AGBL3: variants seen among roughly 807,000 people sequenced by gnomAD.
AGBL3 encodes the protein cytosolic carboxypeptidase 3.
In AGBL3, 68 loss-of-function variants were observed where a neutral mutation model predicts 94.5. The ratio of observed to expected loss-of-function variants is 0.72; its 90% CI spans 0.59 to 0.88. AGBL3 has a LOEUF of 0.88. Ranked by LOEUF, AGBL3 falls within the 40% of genes least tolerant of loss-of-function variation. The probability of loss-of-function intolerance (pLI) is 0.00; values close to 1 mark genes in which losing one functional copy is unlikely to be tolerated. For missense variants in AGBL3, 934 were observed against 1,103.8 expected, an observed-to-expected ratio of 0.85 and a Z score of 2.18; for synonymous variants, 354 against 370.7, an observed-to-expected ratio of 0.95 and a Z score of 0.52.
intron 16 of AGBL3, among the ~76,000 whole-genome samples, chr7:135,121,081 T>C (rs537405952): frequency 1.3e-5 from 2 of 152,298 alleles, no homozygotes; most frequent in South Asian, 2.1e-4. Flanking sequence ...GTCTCATACC[T>C]GTAATCCCAG....
intron 11 of AGBL3, among the ~76,000 whole-genome samples, chr7:135,048,753 G>GTT (rs55948149): frequency 2.8e-5 from 4 of 145,006 alleles, no homozygotes; most frequent in African/African-American, 2.5e-5. Flanking sequence ...TCTCACAGTT[G>GTT]TTTTTTTTTT....
chr7:135,091,932 G>A (rs1198992767), intron 15 of AGBL3, among the ~76,000 whole-genome samples: 2 of 152,162 alleles, frequency 1.3e-5, no homozygotes, highest in Non-Finnish European at 2.9e-5. Context: ...CTCAGAGAAG[G>A]GAATCTAATC....
chr7:135,087,624 T>C (rs187787199), intron 15 of AGBL3, among the ~76,000 whole-genome samples: 81 of 152,160 alleles, frequency 5.3e-4, no homozygotes, highest in African/African-American at 1.9e-3. Context: ...CATGTAACTA[T>C]ACAATTTTGA....
chr7:135,039,353 G>T (rs2116502490), intron 8 of AGBL3, among the ~76,000 whole-genome samples: 1 of 152,146 alleles, frequency 6.6e-6, no homozygotes, highest in East Asian at 1.9e-4. Context: ...TCACCTGAAA[G>T]AAAATGAAAA....
chr7:135,096,414 G>GGGAA (rs1554516463), intron 15 of AGBL3, among the ~76,000 whole-genome samples: 1 of 147,162 alleles, frequency 6.8e-6, no homozygotes, highest in East Asian at 2.0e-4. Flanking sequence ...GAGGAAGGAA[G>GGGAA]GAAAGAAAGA....
At chr7:135,068,131 T>G (rs1192844555) in intron 12 of AGBL3, among the ~76,000 whole-genome samples, 3 of 152,108 alleles carry the variant, frequency 2.0e-5, no homozygotes, top group Non-Finnish European at 2.9e-5. Flanking sequence ...GAAGAAAGGG[T>G]ATCAGTGATG....
intron 13 of AGBL3, among the ~76,000 whole-genome samples, chr7:135,078,819 A>G (rs1388360453): frequency 1.3e-5 from 2 of 151,948 alleles, no homozygotes; most frequent in Non-Finnish European, 2.9e-5. Context: ...TGAAATTCCT[A>G]CTCCTCTTTC....
intron 16 of AGBL3, 97 bp from the exon 17 acceptor site, chr7:135,134,744 T>C: frequency 8.5e-7 from 1 of 1,177,914 alleles, no homozygotes. Flanking sequence ...ATGAACTTAC[T>C]AAAAGGAAAA....
chr7:135,133,169 T>C (rs534952787), intron 16 of AGBL3, among the ~76,000 whole-genome samples: 1 of 152,294 alleles, frequency 6.6e-6, no homozygotes, highest in African/African-American at 2.4e-5. Flanking sequence ...ATTGCTCTTC[T>C]ATAAATAAGC....
intron 8 of AGBL3, among the ~76,000 whole-genome samples, chr7:135,043,808 AT>A (rs34204949): frequency 0.44 from 67,286 of 151,862 alleles, 15,537 homozygotes; most frequent in East Asian, 0.78. Context: ...AAAATAGTAA[AT>A]TTTATTGCAG....
At chr7:135,054,975 G>T (rs1057329539) in intron 11 of AGBL3, among the ~76,000 whole-genome samples, 2 of 152,214 alleles carry the variant, frequency 1.3e-5, no homozygotes, top group Non-Finnish European at 2.9e-5. Flanking sequence ...AGCTTCTGGT[G>T]AGGGCTTTTG....
At chr7:135,075,498 G>A (rs1422669478) in intron 12 of AGBL3, among the ~76,000 whole-genome samples, 2 of 152,108 alleles carry the variant, frequency 1.3e-5, no homozygotes, top group Non-Finnish European at 2.9e-5. Flanking sequence ...AAGAACATGT[G>A]GGTTGTTTTC....
chr7:135,021,117 G>C lies in AGBL3; in HGVS notation c.418+3958G>C, dbSNP rs148544067. On this transcript the variant is annotated intron_variant, in intron 5 of 16. Transcript: ENST00000436302. ...GCCCAGCCACCTTTATTAAATGTCA[G>C]TTAACAATATATATGTAGGTCTATT... 7.3e-3 allele frequency among the ~76,000 whole-genome samples: 1,097 copies of C among 151,200 alleles called. 6 individuals are homozygous for C. Among genetic ancestry groups the C allele is most frequent in the Non-Finnish European group, 0.011 (750 of 67,868 alleles).
At chr7:135,132,787 G>A (rs543184205) in intron 16 of AGBL3, among the ~76,000 whole-genome samples, 12 of 152,186 alleles carry the variant, frequency 7.9e-5, no homozygotes, top group South Asian at 4.1e-4. Flanking sequence ...CCAAGATTGC[G>A]AGGCCTCCCC....
intron 16 of AGBL3, among the ~76,000 whole-genome samples, chr7:135,133,927 G>A (rs1829131009): frequency 6.6e-6 from 1 of 151,618 alleles, no homozygotes; most frequent in African/African-American, 2.4e-5. Context: ...AAACAACATA[G>A]ATGAATCTCC....
At chr7:135,003,582 C>G (rs1811994357) in intron 4 of AGBL3, among the ~76,000 whole-genome samples, 1 of 151,310 alleles carries the variant, frequency 6.6e-6, no homozygotes, top group East Asian at 1.9e-4. Flanking sequence ...TTTAAAATTG[C>G]ACCTTCCTGT....
intron 13 of AGBL3, among the ~76,000 whole-genome samples, chr7:135,079,220 T>G (rs1820715833): frequency 6.6e-6 from 1 of 152,170 alleles, no homozygotes; most frequent in Non-Finnish European, 1.5e-5. Flanking sequence ...TCTTACTAAT[T>G]TTCTTCAGCC....
chr7:135,088,807 G>T (rs1821541704), intron 15 of AGBL3, among the ~76,000 whole-genome samples: 1 of 152,134 alleles, frequency 6.6e-6, no homozygotes, highest in Admixed American at 6.6e-5. Context: ...AGAATTCTTT[G>T]TTCTTGACTT....
chr7:135,115,279 G>A, intron 15 of AGBL3, 101 bp from the exon 16 acceptor site: 1 of 710,990 alleles, frequency 1.4e-6, no homozygotes, highest in Non-Finnish European at 2.3e-6. Context: ...CTTCAGATGG[G>A]CAAGGAATTT....
Sources: gnomAD v4.1 joint callset for allele counts (sites outside exome capture counted in the v4.1 genomes callset) on GRCh38, gnomAD v4.1.1 for gene constraint, MANE v1.5 for transcripts, NCBI Gene and HGNC (gene_info 2026-07-23, HGNC 2026-07-21) for gene names.